The following HMGN5 variants were observed in gnomAD, a reference collection of about 807,000 sequenced individuals.
HMGN5 encodes the protein high mobility group nucleosome binding domain 5, also known as high mobility group nucleosome-binding domain-containing protein 5.
A neutral mutation model predicts 9.5 loss-of-function variants in HMGN5; 4 were observed. That is an observed-to-expected ratio of 0.42 (90% CI 0.21 to 0.96). HMGN5 has a LOEUF of 0.96. Among genes scored for constraint, HMGN5 ranks in the 40% least tolerant of loss-of-function variants. HMGN5 has a pLI of 0.30. For missense variants in HMGN5, 192 were observed against 187.5 expected (o/e 1.02, Z -0.14); for synonymous variants, 55 against 57.1 (o/e 0.96, Z 0.16).
chrX:81,157,324 A>G (rs1422399317), intron 1 of HMGN5, among the ~76,000 whole-genome samples: 1 of 111,884 alleles, frequency 8.9e-6, no homozygotes, highest in Non-Finnish European at 1.9e-5. Flanking sequence ...CTGCTAGTGT[A>G]TTTACTCAGT....
intron 1 of HMGN5, among the ~76,000 whole-genome samples, chrX:81,129,033 G>T (rs185448082): frequency 2.7e-5 from 3 of 111,802 alleles, no homozygotes; most frequent in East Asian, 5.6e-4. Flanking sequence ...GAGAAAAAGA[G>T]CCATATTGAA....
chrX:81,133,353 C>A (rs2075302773), intron 1 of HMGN5, among the ~76,000 whole-genome samples: 1 of 111,531 alleles, frequency 9.0e-6, no homozygotes, highest in African/African-American at 3.3e-5. Context: ...AATCCTATTA[C>A]TGTGTATATA....
intron 5 of HMGN5, among the ~76,000 whole-genome samples, chrX:81,116,642 A>T (rs1355435709): frequency 8.9e-6 from 1 of 111,950 alleles, no homozygotes; most frequent in Non-Finnish European, 1.9e-5. Context: ...GCTGCCAAGG[A>T]CAAACTGCTG....
Position 81,114,999 on chromosome X carries a change from C to T in HMGN5, c.499G>A (p.Gly167Arg), listed in dbSNP as rs1179499032. 8 of 1,146,965 alleles carry T rather than the reference C, an allele frequency of 7.0e-6. No homozygotes were observed. The highest frequency in any genetic ancestry group is 9.2e-6 in the Non-Finnish European group (8 of 866,819). 94.5% of individuals were successfully genotyped at this position (1,146,965 alleles called of 1,213,427 possible). A position where few individuals can be genotyped will look rare whatever the true frequency, so the allele number is the denominator to read the frequency against. Residue 167 changes from glycine (G) to arginine (R), a missense_variant, in exon 7 of 7, where the codon GGA becomes AGA. By Grantham distance (125) the Gly-to-Arg change is moderately radical (BLOSUM62 -2). Transcript: ENST00000358130. ...GKEDKNGNEK[G>R]EDAKEKEDGK... ...TCTTCTTTCTCTTTTGCATCTTCTC[C>T]TTTCTCATTTCCATTTTTATCCTCT... is the stretch of plus-strand genomic sequence containing the variant.
At chrX:81,151,570 C>T (rs1053533202) in intron 1 of HMGN5, among the ~76,000 whole-genome samples, 2 of 110,861 alleles carry the variant, frequency 1.8e-5, no homozygotes, top group Non-Finnish European at 3.8e-5. Context: ...TTGATTCTTC[C>T]TACCCATGAG....
chrX:81,199,448 T>G (rs1327986763), intron 1 of HMGN5, among the ~76,000 whole-genome samples: 1 of 112,511 alleles, frequency 8.9e-6, no homozygotes, highest in Admixed American at 9.4e-5. Context: ...AGAACAAAGC[T>G]GGAGGCATCA....
At chrX:81,200,445 A>G (rs188431528) in intron 1 of HMGN5, among the ~76,000 whole-genome samples, 7 of 112,395 alleles carry the variant, frequency 6.2e-5, no homozygotes, top group African/African-American at 1.9e-4. Flanking sequence ...AATAGCAAAG[A>G]CTTGGAACCA....
At chrX:81,128,951 A>C (rs2075291677) in intron 1 of HMGN5, among the ~76,000 whole-genome samples, 1 of 111,996 alleles carries the variant, frequency 8.9e-6, no homozygotes, top group Non-Finnish European at 1.9e-5. Flanking sequence ...GACCATTTGA[A>C]AATTACACTG....
chrX:81,123,190 CTATAT>C (rs1376701736), intron 1 of HMGN5, among the ~76,000 whole-genome samples: 1 of 109,668 alleles, frequency 9.1e-6, no homozygotes, highest in Non-Finnish European at 1.9e-5. Context: ...TTTACTATTG[CTATAT>C]TATTTTTATT....
chrX:81,177,366 GC>G (rs2075445595), intron 1 of HMGN5, among the ~76,000 whole-genome samples: 1 of 1,594 alleles, frequency 6.3e-4, no homozygotes, highest in East Asian at 0.02. Context: ...CAAATGGAAA[GC>G]AAAAAAAAAA....
chrX:81,155,691 A>C (rs2075381200), intron 1 of HMGN5, among the ~76,000 whole-genome samples: 1 of 111,847 alleles, frequency 8.9e-6, no homozygotes, highest in African/African-American at 3.2e-5. Context: ...TTTTTAAAAC[A>C]TTCTTTAAAT....
At chrX:81,199,940 A>G (rs1398088204) in intron 1 of HMGN5, among the ~76,000 whole-genome samples, 1 of 112,190 alleles carries the variant, frequency 8.9e-6, no homozygotes, top group Non-Finnish European at 1.9e-5. Context: ...GTGAACAGGC[A>G]ACCTACAGAA....
chrX:81,160,856 A>G (rs1002784736), intron 1 of HMGN5, among the ~76,000 whole-genome samples: 2 of 111,643 alleles, frequency 1.8e-5, no homozygotes, highest in African/African-American at 6.5e-5. Context: ...TCTTCAACCA[A>G]TCATTCTGTG....
intron 1 of HMGN5, among the ~76,000 whole-genome samples, chrX:81,176,228 T>C (rs2075441294): frequency 8.9e-6 from 1 of 111,773 alleles, no homozygotes; most frequent in Non-Finnish European, 1.9e-5. Flanking sequence ...CAGAAAGGAA[T>C]AGCATCAACA....
chrX:81,165,072 C>T (rs73508646), intron 1 of HMGN5, among the ~76,000 whole-genome samples: 5,324 of 110,950 alleles, frequency 0.048, 323 homozygotes, highest in African/African-American at 0.17. Flanking sequence ...GAAAGGTCAT[C>T]GATTTTGGAA....
intron 1 of HMGN5, among the ~76,000 whole-genome samples, chrX:81,174,410 A>G (rs192127110): frequency 9.0e-6 from 1 of 111,633 alleles, no homozygotes; most frequent in African/African-American, 3.2e-5. Flanking sequence ...TGAATGCATG[A>G]AAGTCCCTTG....
intron 1 of HMGN5, among the ~76,000 whole-genome samples, chrX:81,198,002 GA>G (rs2075514185): frequency 9.0e-6 from 1 of 111,128 alleles, no homozygotes; most frequent in Non-Finnish European, 1.9e-5. Context: ...GGAGAGGGCA[GA>G]AAAGGTTATG....
intron 1 of HMGN5, among the ~76,000 whole-genome samples, chrX:81,154,564 C>T (rs2075377720): frequency 1.8e-5 from 2 of 110,979 alleles, no homozygotes; most frequent in Admixed American, 1.9e-4. Flanking sequence ...AAACAATCAA[C>T]AAAGTAAACA....
intron 1 of HMGN5, among the ~76,000 whole-genome samples, chrX:81,200,627 T>G (rs777480777): frequency 7.7e-4 from 86 of 111,660 alleles, no homozygotes; most frequent in African/African-American, 2.6e-3. Flanking sequence ...AAACACCACA[T>G]GTTCTCACTC....
Sources: allele counts gnomAD v4.1 joint callset (sites outside exome capture counted in the v4.1 genomes callset), GRCh38; gene constraint gnomAD v4.1.1; transcripts MANE v1.5; gene names NCBI Gene and HGNC (gene_info 2026-07-23, HGNC 2026-07-21).